Variants in SPTB observed in about 807,000 individuals in gnomAD.
The protein encoded by SPTB is spectrin beta, erythrocytic.
Under a neutral mutation model 256.2 loss-of-function variants are expected in SPTB, and 45 were observed. That is an observed-to-expected ratio of 0.18 (90% confidence interval 0.14 to 0.23). The LOEUF (loss-of-function observed/expected upper bound fraction) is 0.23. Ranked by LOEUF, SPTB falls within the 10% of genes least tolerant of loss-of-function variation. The pLI, the probability that SPTB is intolerant of heterozygous loss-of-function variation, is 1.00. For missense variants in SPTB, 2,715 were observed against 3,040.4 expected, an observed-to-expected ratio of 0.89 and a Z score of 2.52; for synonymous variants, 1,231 against 1,243.1, an observed-to-expected ratio of 0.99 and a Z score of 0.21.
Position 64,769,602 on chromosome 14 carries a change from C to T in SPTB, c.5925G>A (p.Gln1975=), listed in dbSNP as rs1187207644. The change falls in exon 28 of 36, where the codon CAG becomes CAA. Residue 1975 remains glutamine (Q), a synonymous_variant. Transcript: ENST00000644917. Reference sequence around the variant, plus strand: ...GCAGTCCCCTCACCTCCTCTGAGGCCTGGTGCTGCCGCTGCAGCAGGGACT... The same window carrying T: ...GCAGTCCCCTCACCTCCTCTGAGGCTTGGTGCTGCCGCTGCAGCAGGGACT... ...LGESLLQRQH[Q]ASEEIREKLQ... is the part of the protein sequence containing the mutation. The T allele has an allele frequency of 8.7e-6, 14 of 1,614,002 alleles. No homozygotes were observed. The highest frequency in any genetic ancestry group is 1.1e-5 in the Non-Finnish European group (13 of 1,180,034).
chr14:64,752,838 G>C (rs1028326424), intron 33 of SPTB, among the ~76,000 whole-genome samples: 3 of 152,124 alleles, frequency 2.0e-5, no homozygotes, highest in Non-Finnish European at 2.9e-5. Flanking sequence ...TCCTGGTGCT[G>C]CCCTATTTTC....
At position 64,842,052 on chromosome 14, in the gene SPTB, CAT is replaced by C. The variant is rs556402581; in HGVS notation, c.-51-18909_-51-18908del. Among the ~76,000 whole-genome samples the C allele has an allele frequency of 3.9e-5, 6 of 152,338 alleles. No individual in the cohort carries two copies. The South Asian group carries it at 1.2e-3, about 32-fold the overall frequency. The stretch of plus-strand genomic sequence containing the variant: ...GCTGCTTGCAAAGTAACTGCCACCA[CAT>C]TCCTTTCTTAAAGTGGCCTGATTCC... On this transcript the variant is annotated intron_variant, in intron 1 of 35. Coordinates refer to ENST00000644917, the MANE Select transcript of SPTB (RefSeq NM_001355436.2).
chr14:64,795,733 C>T lies in SPTB; in HGVS notation c.1342-94G>A. On this transcript the variant is annotated intron_variant, in intron 11 of 35. Coordinates refer to ENST00000644917, the MANE Select transcript of SPTB (RefSeq NM_001355436.2). The surrounding 1 kb of genome is among the most constrained non-coding windows in gnomAD (Gnocchi z 6.5). ...AGGGCAGCTCCCTTCAGAACCAGTG[C>T]TAGATGGGAAAGCACATTCCCAAGA... 3 of 1,307,786 alleles carry T rather than the reference C, an allele frequency of 2.3e-6. No homozygotes were observed. In the Admixed American group the frequency reaches 5.4e-5, roughly 23 times the overall value. 81.0% of individuals were successfully genotyped at this position (1,307,786 alleles called of 1,614,324 possible).
rs1261178977 is a variant in SPTB, at chr14:64,796,850, C to T, written c.1183-135G>A. 10 of 1,166,952 alleles carry T rather than the reference C, an allele frequency of 8.6e-6. No individual in the cohort carries two copies. In the Admixed American group the frequency reaches 1.8e-4, roughly 21 times the overall value. The allele number at this position is 1,166,952 out of a possible 1,614,324, so 72.3% of individuals were successfully genotyped here. On this transcript the variant is annotated intron_variant, in intron 10 of 35. Coordinates refer to ENST00000644917, the MANE Select transcript of SPTB (RefSeq NM_001355436.2). The surrounding 1 kb of genome is among the most constrained non-coding windows in gnomAD (Gnocchi z 4.1). ...CTGATGCTCTTGGGTGACGTGGTAG[C>T]AGATTAAAGATCAATAAAAGCCTTT...
At chr14:64,856,827 A>C (rs1289410841) in intron 1 of SPTB, among the ~76,000 whole-genome samples, 1 of 152,252 alleles carries the variant, frequency 6.6e-6, no homozygotes, top group Admixed American at 6.5e-5. Context: ...AGCTGCTGTT[A>C]CAGGCCACAA....
intron 7 of SPTB, 70 bp from the exon 8 acceptor site, chr14:64,800,938 T>A: frequency 8.5e-7 from 1 of 1,173,462 alleles, no homozygotes; most frequent in South Asian, 1.3e-5. Flanking sequence ...GAGGGTTTAT[T>A]CCCCATTCCT....
At position 64,866,322 on chromosome 14, in the gene SPTB, C is replaced by A. The variant is rs1047500322; in HGVS notation, c.-52+13470G>T. Among the ~76,000 whole-genome samples the A allele has an allele frequency of 6.6e-6, 1 of 152,150 alleles. No individual in the cohort carries two copies. Among genetic ancestry groups the A allele is most frequent in the African/African-American group, 2.4e-5 (1 of 41,428 alleles). ...CTGCTTATCGCTGGCCTCAGGACAC[C>A]CGTAAGAGCTCAATGGGGTCTTCAG... On this transcript the variant is annotated intron_variant, in intron 1 of 35. Coordinates refer to ENST00000644917, the MANE Select transcript of SPTB (RefSeq NM_001355436.2). The surrounding 1 kb of genome is among the most constrained non-coding windows in gnomAD (Gnocchi z 4.6).
At position 64,804,883 on chromosome 14, in the gene SPTB, C is replaced by T. The variant is rs192640116; in HGVS notation, c.300+56G>A. The T allele has an allele frequency of 3.0e-4, 478 of 1,611,210 alleles. 4 individuals are homozygous for T. In the East Asian group the frequency reaches 9.5e-3, roughly 32 times the overall value. On this transcript the variant is annotated intron_variant, in intron 3 of 35. Coordinates refer to ENST00000644917, the MANE Select transcript of SPTB (RefSeq NM_001355436.2). ...AACTTGAGATGCCCCCAAACCATGC[C>T]TTTGCTGAAGAGGGGCCGATGGCAG...
intron 1 of SPTB, among the ~76,000 whole-genome samples, chr14:64,837,285 TG>T (rs2083540371): frequency 6.6e-6 from 1 of 152,216 alleles, no homozygotes; most frequent in Non-Finnish European, 1.5e-5. Flanking sequence ...TATTTAATTA[TG>T]GAATCAAGAC....
intron 32 of SPTB, chr14:64,756,796 T>A (rs1398534946): frequency 1.3e-5 from 2 of 152,256 alleles, no homozygotes; most frequent in African/African-American, 4.8e-5. Context: ...TGTTCATCTT[T>A]TCCCACCTTA....
At chr14:64,794,167 C>G (rs1205019473) in intron 13 of SPTB, among the ~76,000 whole-genome samples, 6 of 152,126 alleles carry the variant, frequency 3.9e-5, no homozygotes, top group Non-Finnish European at 8.8e-5. Context: ...TTGAAAGATG[C>G]AGTGAGGTCT....
intron 7 of SPTB, 53 bp downstream of exon 7, chr14:64,801,232 G>A (rs914625422): frequency 2.8e-5 from 42 of 1,477,836 alleles, no homozygotes; most frequent in Middle Eastern, 2.0e-4. Context: ...CTAGCACAGC[G>A]AGTGCATCCC....
At chr14:64,854,914 G>A (rs1190635467) in intron 1 of SPTB, among the ~76,000 whole-genome samples, 1 of 152,200 alleles carries the variant, frequency 6.6e-6, no homozygotes, top group Non-Finnish European at 1.5e-5. Context: ...AGGCTGGCTG[G>A]GAAGGGCTGC....
Position 64,785,660 on chromosome 14 carries a change from G to A in SPTB, c.3765-33C>T. 3.1e-6 allele frequency: 5 copies of A among 1,613,536 alleles called. No individual in the cohort carries two copies. The highest frequency in any genetic ancestry group is 4.2e-6 in the Non-Finnish European group (5 of 1,179,494). On this transcript the variant is annotated intron_variant, in intron 17 of 35. Coordinates refer to ENST00000644917, the MANE Select transcript of SPTB (RefSeq NM_001355436.2). This position sits in a 1 kb window ranked among gnomAD's most constrained non-coding sequence, Gnocchi z 4.4. Reference sequence around the variant, plus strand: ...GGAAGCCAAAAGCACAGTCACAATAGTGCCGAGCTTGGGGTCCTCACCAAG... The same window carrying A: ...GGAAGCCAAAAGCACAGTCACAATAATGCCGAGCTTGGGGTCCTCACCAAG...
Position 64,753,698 on chromosome 14 carries a change from G to T in SPTB, c.6441C>A (p.Pro2147=), listed in dbSNP as rs770438205. ...GGACCTTAAAGAGGGGCTCCGTGGT[G>T]GGCCTCTCATCCCCAGTGGATTTCT... ...DGQKSTGDER[P]TTEPLFKVLD... Residue 2147 remains proline (P), a synonymous_variant, in exon 33 of 36, where the codon CCC becomes CCA. Coordinates refer to ENST00000644917, the MANE Select transcript of SPTB (RefSeq NM_001355436.2). The T allele has an allele frequency of 2.0e-5, 32 of 1,613,586 alleles. No individual in the cohort carries two copies. The highest frequency in any genetic ancestry group is 2.5e-5 in the Non-Finnish European group (30 of 1,180,022).
rs1297631255 is a variant in SPTB, at chr14:64,749,465, C to T, written c.6828G>A (p.Met2276Ile). Residue 2276 changes from methionine (M) to isoleucine (I), a missense_variant, in exon 36 of 36, where the codon ATG (methionine) becomes ATA (isoleucine). By Grantham distance (10) the Met-to-Ile change is conservative (BLOSUM62 1). Transcript: ENST00000644917. This position sits in a 1 kb window ranked among gnomAD's most constrained non-coding sequence, Gnocchi z 4.7. Reference sequence around the variant, plus strand: ...TGCTCACGCCCTGCAGCCAGGACAGCATCTCCTCCTGCGGGGCGGAGGGTC... The same window carrying T: ...TGCTCACGCCCTGCAGCCAGGACAGTATCTCCTCCTGCGGGGCGGAGGGTC... ...WLFHGKDEEE[M>I]LSWLQGVSTA... The T allele has an allele frequency of 6.2e-7, 1 of 1,601,050 alleles. No homozygotes were observed.
chr14:64,749,559 A>T lies in SPTB; in HGVS notation c.6820-86T>A, dbSNP rs1594731344. The T allele has an allele frequency of 1.2e-6, 2 of 1,604,072 alleles. No homozygotes were observed. Among genetic ancestry groups the T allele is most frequent in the South Asian group, 2.2e-5 (2 of 90,834 alleles). On this transcript the variant is annotated intron_variant, in intron 35 of 35. Transcript: ENST00000644917. The surrounding 1 kb of genome is among the most constrained non-coding windows in gnomAD (Gnocchi z 4.7). ...GGCAACAATGGTGGGGGCTCTTGGG[A>T]CTGCCCCTTCTGAGGGGGCCTCCAG...
In SPTB at chr14:64,849,837, C is replaced by G. The variant is rs139681750; in HGVS notation, c.-51-26692G>C. Reference sequence around the variant, plus strand: ...AACTACAGCAAGGAGTACCTGAGTGCTCTCATCTGCAGACCCTTGGTCTAG... The same window carrying G: ...AACTACAGCAAGGAGTACCTGAGTGGTCTCATCTGCAGACCCTTGGTCTAG... On this transcript the variant is annotated intron_variant, in intron 1 of 35. Transcript: ENST00000644917. 1.9e-3 allele frequency among the ~76,000 whole-genome samples: 296 copies of G among 152,314 alleles called. 5 individuals carry two copies. The highest frequency in any genetic ancestry group is 0.012 in the South Asian group (57 of 4,826).
At chr14:64,858,580 G>C (rs1228688488) in intron 1 of SPTB, among the ~76,000 whole-genome samples, 1 of 152,062 alleles carries the variant, frequency 6.6e-6, no homozygotes, top group African/African-American at 2.4e-5. Flanking sequence ...CAAGTGAGTA[G>C]GAGAAAGCAG....
Sources: allele counts gnomAD v4.1 joint callset (sites outside exome capture counted in the v4.1 genomes callset), GRCh38; gene constraint gnomAD v4.1.1; non-coding constraint Gnocchi (gnomAD v3.1); transcripts MANE v1.5; gene names NCBI Gene and HGNC (gene_info 2026-07-23, HGNC 2026-07-21).